SNTG2: variants seen among roughly 807,000 people sequenced by gnomAD.
SNTG2 encodes the protein gamma-2-syntrophin.
A neutral mutation model predicts 70.9 loss-of-function variants in SNTG2; 74 were observed. The ratio of observed to expected loss-of-function variants is 1.04; its 90% CI spans 0.86 to 1.27. The LOEUF is 1.27. Ranked by LOEUF, SNTG2 falls within the 50% of genes most tolerant of loss-of-function variation. The pLI, the probability that SNTG2 is intolerant of heterozygous loss-of-function variation, is 0.00. For synonymous variants in SNTG2, 278 were observed against 273.8 expected, an observed-to-expected ratio of 1.02 and a Z score of -0.15; for missense variants, 717 against 690.7, an observed-to-expected ratio of 1.04 and a Z score of -0.43.
chr2:1,304,728 CAA>C lies in SNTG2; in HGVS notation c.1285-3752_1285-3751del, dbSNP rs58886426. Among the ~76,000 whole-genome samples the C allele has an allele frequency of 1.8e-3, 251 of 140,710 alleles. 1 individual carries two copies. Among genetic ancestry groups the C allele is most frequent in the South Asian group, 3.4e-3 (15 of 4,382 alleles). The allele number at this position is 140,710 out of a possible 152,430, so 92.3% of individuals were successfully genotyped here. On this transcript the variant is annotated intron_variant, in intron 14 of 16. Transcript: ENST00000308624. ...GCAATAAGAGCGAAACTCTCTCTCT[CAA>C]AAAAAAAAAAAAAGATGGTTTTATT...
chr2:1,011,694 ATGACT>A (rs1178498379), intron 1 of SNTG2, among the ~76,000 whole-genome samples: 1 of 152,116 alleles, frequency 6.6e-6, no homozygotes. Flanking sequence ...TTTTGTTGAC[ATGACT>A]TCAGATTTCA....
chr2:1,062,484 T>A (rs1662886637), intron 1 of SNTG2, among the ~76,000 whole-genome samples: 1 of 152,056 alleles, frequency 6.6e-6, no homozygotes, highest in South Asian at 2.1e-4. Context: ...AAAAACAAGC[T>A]ATGCATGGAT....
At chr2:1,036,288 TA>T (rs1469403133) in intron 1 of SNTG2, among the ~76,000 whole-genome samples, 1 of 152,180 alleles carries the variant, frequency 6.6e-6, no homozygotes, top group East Asian at 1.9e-4. Flanking sequence ...CATTTTTCTT[TA>T]TTTTTTTTCA....
intron 12 of SNTG2, among the ~76,000 whole-genome samples, chr2:1,247,653 C>T (rs1230701145): frequency 6.6e-6 from 1 of 152,108 alleles, no homozygotes; most frequent in Non-Finnish European, 1.5e-5. Context: ...TTCTTTAGTT[C>T]AAATAGCCAT....
chr2:1,334,838 T>C (rs73179458), intron 16 of SNTG2, among the ~76,000 whole-genome samples: 1,962 of 152,268 alleles, frequency 0.013, 41 homozygotes, highest in African/African-American at 0.043. Context: ...TTGGGTATAG[T>C]GTACACTGCA....
chr2:1,011,191 C>G lies in SNTG2; in HGVS notation c.72+60123C>G, dbSNP rs927320670. Among the ~76,000 whole-genome samples, 59 of 152,224 alleles carry G rather than the reference C, an allele frequency of 3.9e-4. 2 individuals carry two copies. Reference sequence around the variant, plus strand: ...AGAAGCCACCATTCTGATCTAATCTCTAACGTGGCACGGGGTGACTGAGGG... The same window carrying G: ...AGAAGCCACCATTCTGATCTAATCTGTAACGTGGCACGGGGTGACTGAGGG... On this transcript the variant is annotated intron_variant, in intron 1 of 16. Transcript: ENST00000308624.
intron 14 of SNTG2, among the ~76,000 whole-genome samples, chr2:1,279,058 CCT>C (rs1420352115): frequency 5.1e-4 from 38 of 74,046 alleles, no homozygotes; most frequent in African/African-American, 7.2e-4. Context: ...GCGATTCACC[CCT>C]CTGTCAGTGC....
At chr2:1,187,984 T>G (rs193276059) in intron 8 of SNTG2, among the ~76,000 whole-genome samples, 181 of 152,310 alleles carry the variant, frequency 1.2e-3, no homozygotes, top group African/African-American at 3.9e-3. Context: ...GGAAGATAAA[T>G]AAACATGATT....
chr2:1,040,785 G>A (rs2148056329), intron 1 of SNTG2, among the ~76,000 whole-genome samples: 1 of 152,326 alleles, frequency 6.6e-6, no homozygotes, highest in East Asian at 1.9e-4. Context: ...AGTGTAAGTA[G>A]CAGAATAACT....
intron 1 of SNTG2, among the ~76,000 whole-genome samples, chr2:986,272 C>T (rs1423536343): frequency 6.6e-6 from 1 of 152,122 alleles, no homozygotes; most frequent in African/African-American, 2.4e-5. Context: ...GGGTGGCCTC[C>T]CAGACCTCCT....
intron 14 of SNTG2, among the ~76,000 whole-genome samples, chr2:1,293,497 A>G (rs997338512): frequency 1.3e-5 from 2 of 152,068 alleles, no homozygotes; most frequent in African/African-American, 4.8e-5. Flanking sequence ...ATTTTTAGCT[A>G]TAAGTTTCCC....
At chr2:1,005,430 G>A (rs1455477502) in intron 1 of SNTG2, among the ~76,000 whole-genome samples, 1 of 152,048 alleles carries the variant, frequency 6.6e-6, no homozygotes. Flanking sequence ...GTGGGGGTAC[G>A]TGAATTCTCT....
intron 4 of SNTG2, among the ~76,000 whole-genome samples, chr2:1,111,728 G>A (rs1469731180): frequency 6.6e-6 from 1 of 152,144 alleles, no homozygotes; most frequent in Non-Finnish European, 1.5e-5. Flanking sequence ...CACTTAGAGA[G>A]ACTCCCTGAG....
At chr2:1,340,731 G>A (rs1660042564) in intron 16 of SNTG2, among the ~76,000 whole-genome samples, 1 of 151,932 alleles carries the variant, frequency 6.6e-6, no homozygotes, top group African/African-American at 2.4e-5. Context: ...AGCATCCTAG[G>A]TTTGCTATTA....
intron 1 of SNTG2, among the ~76,000 whole-genome samples, chr2:952,929 C>T (rs56379395): frequency 0.039 from 5,984 of 152,234 alleles, 387 homozygotes; most frequent in African/African-American, 0.14. Context: ...CATAACTGCA[C>T]AATATTATTC....
rs546859559 is a variant in SNTG2, at chr2:1,315,314, G to A, written c.1378-951G>A. Among the ~76,000 whole-genome samples, 48 of 152,308 alleles carry A rather than the reference G, an allele frequency of 3.2e-4. 1 individual carries two copies. Among genetic ancestry groups the A allele is most frequent in the African/African-American group, 8.4e-4 (35 of 41,572 alleles). On this transcript the variant is annotated intron_variant, in intron 15 of 16. Coordinates refer to ENST00000308624, the MANE Select transcript of SNTG2 (RefSeq NM_018968.4). ...TGTGGCCAAGAATCTTGAGGCTAGC[G>A]TGTGGGCGGGAAATAAACCCGTCAA...
intron 1 of SNTG2, among the ~76,000 whole-genome samples, chr2:971,398 G>A (rs1660734847): frequency 6.6e-6 from 1 of 152,006 alleles, no homozygotes; most frequent in South Asian, 2.1e-4. Flanking sequence ...AAAGTTGTAT[G>A]TTTCTAGGAA....
intron 4 of SNTG2, among the ~76,000 whole-genome samples, chr2:1,120,668 T>C (rs1667322710): frequency 6.6e-6 from 1 of 152,168 alleles, no homozygotes. Flanking sequence ...AGAAGGCCTT[T>C]ATCTAGTGAA....
chr2:1,327,291 T>G (rs540656550), intron 16 of SNTG2, among the ~76,000 whole-genome samples: 9 of 152,102 alleles, frequency 5.9e-5, no homozygotes, highest in Non-Finnish European at 8.8e-5. Flanking sequence ...ACTAACAGAT[T>G]TCAATATCAT....
Sources: allele counts gnomAD v4.1 joint callset (sites outside exome capture counted in the v4.1 genomes callset), GRCh38; gene constraint gnomAD v4.1.1; transcripts MANE v1.5; gene names NCBI Gene and HGNC (gene_info 2026-07-23, HGNC 2026-07-21).